SUGCT: variants seen among roughly 807,000 people sequenced by gnomAD.
The protein encoded by SUGCT is succinyl-CoA:glutarate-CoA transferase.
In SUGCT, 41 loss-of-function variants were observed where a neutral mutation model predicts 55.0. The observed-to-expected ratio is 0.74, with a 90% confidence interval of 0.58 to 0.97. SUGCT has a LOEUF of 0.97. Ranked by LOEUF, SUGCT falls within the 50% of genes least tolerant of loss-of-function variation. The pLI is 0.00. For synonymous variants in SUGCT, 187 were observed against 200.4 expected (o/e 0.93, Z 0.56); for missense variants, 568 against 547.8 (o/e 1.04, Z -0.37).
intron 13 of SUGCT, among the ~76,000 whole-genome samples, chr7:40,772,069 GC>G (rs1421417048): frequency 2.6e-5 from 4 of 152,024 alleles, no homozygotes; most frequent in Admixed American, 6.6e-5. Flanking sequence ...TATTAATAGT[GC>G]CCCCTCAAGC....
intron 13 of SUGCT, among the ~76,000 whole-genome samples, chr7:40,775,288 G>A (rs756609732): frequency 2.2e-4 from 33 of 152,156 alleles, no homozygotes; most frequent in Non-Finnish European, 1.6e-4. Context: ...TTCCAATTAC[G>A]TACCCTGACT....
At chr7:40,502,273 CT>C (rs1270551105) in intron 12 of SUGCT, among the ~76,000 whole-genome samples, 3 of 151,924 alleles carry the variant, frequency 2.0e-5, no homozygotes, top group Admixed American at 6.6e-5. Context: ...AAACTTTGAA[CT>C]TGCAAGCCAA....
At chr7:40,884,225 C>T in the SUGCT span, among the ~76,000 whole-genome samples, 2 of 152,354 alleles carry the variant, frequency 1.3e-5, no homozygotes, top group Middle Eastern at 6.8e-3. Flanking sequence ...GGCTGATTCT[C>T]TCCTCAGCTG....
At chr7:40,834,021 C>G (rs942191962) in intron 13 of SUGCT, among the ~76,000 whole-genome samples, 2 of 152,144 alleles carry the variant, frequency 1.3e-5, no homozygotes, top group South Asian at 2.1e-4. Context: ...CATCCCTTCT[C>G]CAGGGTTGGT....
At chr7:41,022,606 A>G in the SUGCT span, among the ~76,000 whole-genome samples, 18 of 152,206 alleles carry the variant, frequency 1.2e-4, no homozygotes. Context: ...GAGAATTAAA[A>G]TCCAGGTGGA....
At chr7:40,453,349 C>T (rs917838877) in intron 10 of SUGCT, among the ~76,000 whole-genome samples, 3 of 152,132 alleles carry the variant, frequency 2.0e-5, no homozygotes, top group African/African-American at 7.2e-5. Context: ...AGTGGGATAA[C>T]TAAAGCAGGA....
At chr7:40,594,390 G>A (rs1192218930) in intron 12 of SUGCT, among the ~76,000 whole-genome samples, 1 of 150,546 alleles carries the variant, frequency 6.6e-6, no homozygotes. Flanking sequence ...TTCTACCCAA[G>A]TCATCTCTAC....
chr7:40,639,011 G>T (rs900245284), intron 12 of SUGCT, among the ~76,000 whole-genome samples: 1 of 152,152 alleles, frequency 6.6e-6, no homozygotes, highest in Non-Finnish European at 1.5e-5. Context: ...GAAATCTCAC[G>T]CTATTGAGAT....
the SUGCT span, among the ~76,000 whole-genome samples, chr7:41,013,758 T>TC: frequency 3.3e-5 from 5 of 151,740 alleles, no homozygotes; most frequent in African/African-American, 4.8e-5. Flanking sequence ...TTTCTTTCTT[T>TC]TTTTTTTTTA....
intron 13 of SUGCT, among the ~76,000 whole-genome samples, chr7:40,849,220 C>A (rs963363323): frequency 5.3e-5 from 8 of 151,888 alleles, no homozygotes; most frequent in Non-Finnish European, 1.0e-4. Context: ...GTTGATGATA[C>A]CCATGTCAGA....
At chr7:40,359,330 G>C (rs182886738) in intron 9 of SUGCT, among the ~76,000 whole-genome samples, 2 of 152,028 alleles carry the variant, frequency 1.3e-5, no homozygotes, top group African/African-American at 2.4e-5. Flanking sequence ...TAAGCCTCCC[G>C]AGTAGCTGGG....
At chr7:40,361,853 G>C (rs931994912) in intron 9 of SUGCT, among the ~76,000 whole-genome samples, 3 of 151,928 alleles carry the variant, frequency 2.0e-5, no homozygotes, top group African/African-American at 7.3e-5. Context: ...GGGCACATTG[G>C]AATCACATGG....
intron 12 of SUGCT, among the ~76,000 whole-genome samples, chr7:40,617,122 T>C (rs1216054716): frequency 6.6e-6 from 1 of 152,214 alleles, no homozygotes; most frequent in East Asian, 1.9e-4. Context: ...CAAAGACATT[T>C]GCCTCTATTT....
At chr7:40,950,584 G>C in the SUGCT span, among the ~76,000 whole-genome samples, 3 of 152,028 alleles carry the variant, frequency 2.0e-5, no homozygotes, top group East Asian at 5.8e-4. Context: ...TATGACATTG[G>C]CTCTGGGTTT....
At chr7:40,336,892 A>T (rs975079832) in intron 9 of SUGCT, among the ~76,000 whole-genome samples, 2 of 151,030 alleles carry the variant, frequency 1.3e-5, no homozygotes, top group Non-Finnish European at 2.9e-5. Flanking sequence ...ATTTAGTGCT[A>T]TAAATTTCCC....
chr7:40,975,267 A>G, the SUGCT span, among the ~76,000 whole-genome samples: 110 of 152,312 alleles, frequency 7.2e-4, 2 homozygotes, highest in South Asian at 9.9e-3. Flanking sequence ...TTGGAAGCGG[A>G]AATCTCAAGG....
the SUGCT span, among the ~76,000 whole-genome samples, chr7:41,011,881 G>A: frequency 0.031 from 4,634 of 151,636 alleles, 218 homozygotes; most frequent in African/African-American, 0.1. Context: ...TTCCAACCCC[G>A]AATCAGCTTG....
At chr7:40,185,145 T>C (rs1386030236) in intron 3 of SUGCT, among the ~76,000 whole-genome samples, 1 of 152,232 alleles carries the variant, frequency 6.6e-6, no homozygotes, top group Non-Finnish European at 1.5e-5. Context: ...TTAGTCATTG[T>C]TGGATACATG....
chr7:40,140,993 A>T (rs1211024669), intron 1 of SUGCT, among the ~76,000 whole-genome samples: 1 of 151,840 alleles, frequency 6.6e-6, no homozygotes, highest in Non-Finnish European at 1.5e-5. Flanking sequence ...GTGTTTTTCC[A>T]TTTTTTTGTT....
Sources: allele counts gnomAD v4.1 joint callset (sites outside exome capture counted in the v4.1 genomes callset), GRCh38; gene constraint gnomAD v4.1.1; transcripts MANE v1.5; gene names NCBI Gene and HGNC (gene_info 2026-07-23, HGNC 2026-07-21).